The following CCDC171 variants were observed in gnomAD, a reference collection of about 807,000 sequenced individuals.
CCDC171 encodes the protein coiled-coil domain containing 171, also known as coiled-coil domain-containing protein 171.
CCDC171 carries 177 observed loss-of-function variants against 168.2 expected under a neutral mutation model. The ratio of observed to expected loss-of-function variants is 1.05; its 90% CI spans 0.93 to 1.19. The LOEUF (loss-of-function observed/expected upper bound fraction) is 1.19. Among genes scored for constraint, CCDC171 ranks in the 50% most tolerant of loss-of-function variants. CCDC171 has a pLI of 0.00. For synonymous variants in CCDC171, 687 were observed against 540.8 expected (o/e 1.27, Z -3.75); for missense variants, 1,991 against 1,539.0 (o/e 1.29, Z -4.91).
intron 7 of CCDC171, among the ~76,000 whole-genome samples, chr9:15,635,585 C>A (rs1459400014): frequency 6.6e-6 from 1 of 152,178 alleles, no homozygotes; most frequent in East Asian, 1.9e-4. Context: ...TGAGGGTAGG[C>A]TGCCTCTCCC....
Position 15,833,091 on chromosome 9 carries a change from G to C in CCDC171, c.3268-13611G>C, listed in dbSNP as rs553838414. 1.2e-4 allele frequency among the ~76,000 whole-genome samples: 18 copies of C among 145,128 alleles called. No homozygotes were observed. The South Asian group carries it at 3.9e-3, about 32-fold the overall frequency. ...CAACCTCCACCTCTCTGGTTCAAGT[G>C]ATTCTCCTGCCTCAGCCTCCTGAGT... is the stretch of plus-strand genomic sequence containing the variant. On this transcript the variant is annotated intron_variant, in intron 21 of 25. Coordinates refer to ENST00000380701, the MANE Select transcript of CCDC171 (RefSeq NM_173550.4).
the CCDC171 span, among the ~76,000 whole-genome samples, chr9:16,089,877 A>G: frequency 2.0e-5 from 3 of 152,218 alleles, no homozygotes; most frequent in South Asian, 2.1e-4. Context: ...ATGAGATATC[A>G]TCCCATGCCA....
chr9:15,613,506 G>A (rs1470363023), intron 6 of CCDC171, among the ~76,000 whole-genome samples: 2 of 150,634 alleles, frequency 1.3e-5, no homozygotes, highest in African/African-American at 4.9e-5. Flanking sequence ...GTTTTGATTT[G>A]CATTTTTCTT....
chr9:15,790,548 C>T (rs957965031), intron 21 of CCDC171, among the ~76,000 whole-genome samples: 31 of 152,228 alleles, frequency 2.0e-4, no homozygotes, highest in African/African-American at 7.0e-4. Context: ...CTGTAGGTTG[C>T]CTGTTCACTC....
intron 7 of CCDC171, among the ~76,000 whole-genome samples, chr9:15,656,648 T>C (rs1041811536): frequency 7.9e-5 from 12 of 152,152 alleles, no homozygotes; most frequent in African/African-American, 2.7e-4. Context: ...AAGCATAATA[T>C]ATGATTCAAT....
chr9:15,691,477 A>G, intron 10 of CCDC171, among the ~76,000 whole-genome samples: 1 of 147,054 alleles, frequency 6.8e-6, no homozygotes, highest in East Asian at 2.0e-4. Flanking sequence ...TCTGAGCATA[A>G]TATACTCAAA....
At chr9:15,650,620 G>A (rs531354085) in intron 7 of CCDC171, among the ~76,000 whole-genome samples, 7 of 152,146 alleles carry the variant, frequency 4.6e-5, no homozygotes, top group East Asian at 3.9e-4. Context: ...ATACTAGAAC[G>A]TGCTCAGATA....
At chr9:16,000,392 G>A (rs1269067314) in intron 3 of CCDC171, among the ~76,000 whole-genome samples, 1 of 152,106 alleles carries the variant, frequency 6.6e-6, no homozygotes, top group African/African-American at 2.4e-5. Flanking sequence ...GCCCAAATGA[G>A]TTGGATCTCT....
chr9:15,695,976 C>T (rs548585164), intron 11 of CCDC171, among the ~76,000 whole-genome samples: 29 of 152,272 alleles, frequency 1.9e-4, no homozygotes, highest in South Asian at 4.1e-4. Flanking sequence ...ACTATTTCTA[C>T]TTTCTTAGTG....
intron 21 of CCDC171, among the ~76,000 whole-genome samples, chr9:15,796,397 C>T (rs559070183): frequency 7.9e-5 from 12 of 152,108 alleles, no homozygotes; most frequent in Admixed American, 2.0e-4. Context: ...CACCTATAAA[C>T]ATAGTAATGA....
At chr9:15,941,660 T>C (rs1279490996) in intron 25 of CCDC171, among the ~76,000 whole-genome samples, 1 of 151,992 alleles carries the variant, frequency 6.6e-6, no homozygotes, top group East Asian at 1.9e-4. Context: ...TGGCTGTACA[T>C]TTATTGAAAA....
chr9:15,627,292 A>T (rs920569897), intron 7 of CCDC171, among the ~76,000 whole-genome samples: 6 of 151,884 alleles, frequency 4.0e-5, no homozygotes, highest in Admixed American at 2.0e-4. Context: ...GATTTTTTTC[A>T]AGGGTTTTTT....
At chr9:15,994,447 A>C (rs1361153852) in intron 3 of CCDC171, among the ~76,000 whole-genome samples, 1 of 152,180 alleles carries the variant, frequency 6.6e-6, no homozygotes, top group African/African-American at 2.4e-5. Flanking sequence ...GGGTGGAGGG[A>C]GCAGGGAGGG....
chr9:16,085,706 A>C, the CCDC171 span, among the ~76,000 whole-genome samples: 1 of 152,208 alleles, frequency 6.6e-6, no homozygotes, highest in African/African-American at 2.4e-5. Flanking sequence ...TTATCAGCCC[A>C]CAAACAAACA....
At chr9:15,889,603 A>G (rs754529639) in intron 24 of CCDC171, among the ~76,000 whole-genome samples, 10 of 152,330 alleles carry the variant, frequency 6.6e-5, no homozygotes, top group Non-Finnish European at 1.3e-4. Context: ...TTGCTTGTGT[A>G]TAGTACCTGT....
chr9:15,724,939 T>C lies in CCDC171; in HGVS notation c.1655T>C (p.Leu552Pro). 6.2e-7 allele frequency: 1 copy of C among 1,613,948 alleles called. No individual in the cohort carries two copies. ...KAQAAQSESE[L>P]QKLSQAFHKD... is the part of the protein sequence containing the mutation. ...CAGGCAGCCCAGTCTGAAAGTGAAC[T>C]GCAGAAGCTTTCCCAGGCTTTCCAT... The change falls in exon 14 of 26, where the codon CTG becomes CCG. Residue 552 changes from leucine to proline, a missense_variant. Transcript: ENST00000380701.
chr9:15,740,525 T>C (rs1164916248), intron 16 of CCDC171, among the ~76,000 whole-genome samples: 25 of 152,036 alleles, frequency 1.6e-4, no homozygotes, highest in Admixed American at 1.6e-3. Flanking sequence ...ACCTCTGCTT[T>C]TCAGGTTCAT....
intron 25 of CCDC171, among the ~76,000 whole-genome samples, chr9:15,951,374 A>T (rs552885300): frequency 2.0e-5 from 3 of 152,206 alleles, no homozygotes; most frequent in South Asian, 4.2e-4. Flanking sequence ...ATACCTGGTG[A>T]TTCTATTTTT....
chr9:15,642,328 T>TATATAC (rs1452090343), intron 7 of CCDC171, among the ~76,000 whole-genome samples: 26 of 135,814 alleles, frequency 1.9e-4, no homozygotes, highest in Middle Eastern at 3.7e-3. Context: ...TATATATATA[T>TATATAC]ACACGTGTGT....
Sources: gnomAD v4.1 joint callset for allele counts (sites outside exome capture counted in the v4.1 genomes callset) on GRCh38, gnomAD v4.1.1 for gene constraint, MANE v1.5 for transcripts, NCBI Gene and HGNC (gene_info 2026-07-23, HGNC 2026-07-21) for gene names.